Variants in DENND4A observed in about 807,000 individuals in gnomAD.
DENND4A encodes the protein DENN domain containing 4A.
DENND4A carries 70 observed loss-of-function variants against 199.3 expected under a neutral mutation model. The observed-to-expected ratio is 0.35, with a 90% CI of 0.29 to 0.43. The LOEUF (loss-of-function observed/expected upper bound fraction) is 0.43, where lower values mean the gene tolerates loss of function less well. DENND4A is among the 20% of genes least tolerant of loss of function. The pLI is 1.00. For synonymous variants in DENND4A, 686 were observed against 766.9 expected, an observed-to-expected ratio of 0.89 and a Z score of 1.74; for missense variants, 1,723 against 2,255.8, an observed-to-expected ratio of 0.76 and a Z score of 4.78.
chr15:65,741,255 TA>T (rs971452990), intron 5 of DENND4A, among the ~76,000 whole-genome samples: 1 of 152,164 alleles, frequency 6.6e-6, no homozygotes, highest in Non-Finnish European at 1.5e-5. Context: ...TGTTCTCTTG[TA>T]AATAAGGTCA....
At position 65,741,727 on chromosome 15, in the gene DENND4A, A is replaced by G; in HGVS notation, c.619T>C (p.Ser207Pro). ...AAATTACACTTACCAGCTTTGTAAG[A>G]TACAGTGTTCGTCTTTGCCACCGAT... ...KKSVAKTNTVSYKAGLICRYP... is the reference protein window; with the variant it reads ...KKSVAKTNTVPYKAGLICRYP... Residue 207 changes from serine to proline, a missense_variant, in exon 5 of 33, where the codon TCT (serine) becomes CCT (proline). By Grantham distance (74) the Ser-to-Pro change is moderately conservative (BLOSUM62 -1). Around this residue, in one of 6 missense-constraint regions of DENND4A, gnomAD observed 725 missense variants for 952.9 expected, o/e 0.76. Coordinates refer to ENST00000443035, the MANE Select transcript of DENND4A (RefSeq NM_001320835.1). 6.2e-7 allele frequency: 1 copy of G among 1,612,846 alleles called. No individual in the cohort carries two copies. Among genetic ancestry groups the G allele is most frequent in the Non-Finnish European group, 8.5e-7 (1 of 1,179,306 alleles).
At chr15:65,713,702 G>C (rs1001136962) in intron 14 of DENND4A, among the ~76,000 whole-genome samples, 3 of 152,154 alleles carry the variant, frequency 2.0e-5, no homozygotes, top group Non-Finnish European at 4.4e-5. Context: ...ATTGACTTCT[G>C]TGTGTGTATT....
At chr15:65,786,007 G>C (rs1044815283) in intron 1 of DENND4A, among the ~76,000 whole-genome samples, 2 of 152,078 alleles carry the variant, frequency 1.3e-5, no homozygotes, top group African/African-American at 4.8e-5. Flanking sequence ...TGAAAAAACA[G>C]AAATTGTTTG....
chr15:65,725,771 T>G (rs999743608), intron 11 of DENND4A, among the ~76,000 whole-genome samples: 1 of 152,184 alleles, frequency 6.6e-6, no homozygotes, highest in African/African-American at 2.4e-5. Flanking sequence ...AGCTTTACAC[T>G]TGGTACATAC....
chr15:65,714,000 T>C (rs1384470040), intron 14 of DENND4A, among the ~76,000 whole-genome samples: 2 of 152,228 alleles, frequency 1.3e-5, no homozygotes, highest in Non-Finnish European at 2.9e-5. Context: ...TTTATTTCTG[T>C]ATCTATCATT....
intron 14 of DENND4A, among the ~76,000 whole-genome samples, chr15:65,714,482 C>T (rs1158848915): frequency 1.3e-5 from 2 of 152,052 alleles, no homozygotes; most frequent in African/African-American, 4.8e-5. Flanking sequence ...CAATCTCCCC[C>T]ATATGTAACA....
intron 4 of DENND4A, among the ~76,000 whole-genome samples, chr15:65,750,697 C>A (rs996347312): frequency 1.1e-4 from 16 of 151,916 alleles, no homozygotes; most frequent in African/African-American, 3.9e-4. Flanking sequence ...TTGTATACTC[C>A]TCGCCCTCCA....
chr15:65,736,655 T>G (rs963751804), intron 7 of DENND4A, among the ~76,000 whole-genome samples: 5 of 152,114 alleles, frequency 3.3e-5, no homozygotes, highest in African/African-American at 1.2e-4. Context: ...TTGTCAAGCT[T>G]GGTGCAGTGT....
At chr15:65,722,334 T>C (rs2075672654) in intron 12 of DENND4A, among the ~76,000 whole-genome samples, 1 of 152,036 alleles carries the variant, frequency 6.6e-6, no homozygotes, top group Admixed American at 6.6e-5. Context: ...GCGTAGTGCC[T>C]CATTGTGTCT....
chr15:65,710,481 G>A (rs2075213517), intron 14 of DENND4A, among the ~76,000 whole-genome samples: 1 of 152,158 alleles, frequency 6.6e-6, no homozygotes, highest in South Asian at 2.1e-4. Flanking sequence ...CTGTTCGTAA[G>A]GGAAGCTCAG....
At chr15:65,773,768 G>A (rs1157777323) in intron 1 of DENND4A, among the ~76,000 whole-genome samples, 2 of 152,116 alleles carry the variant, frequency 1.3e-5, no homozygotes, top group South Asian at 2.1e-4. Context: ...CACTGCTGCC[G>A]CCTCCACAAA....
chr15:65,709,776 CT>C (rs2075189724), intron 14 of DENND4A, among the ~76,000 whole-genome samples: 1 of 137,228 alleles, frequency 7.3e-6, no homozygotes, highest in Non-Finnish European at 1.5e-5. Context: ...TAATAAGTCT[CT>C]TGAATTATAA....
intron 22 of DENND4A, among the ~76,000 whole-genome samples, chr15:65,695,350 T>C (rs2077109200): frequency 6.6e-6 from 1 of 152,242 alleles, no homozygotes; most frequent in African/African-American, 2.4e-5. Flanking sequence ...CCCAGAACTT[T>C]ATGAAAACTG....
chr15:65,746,388 T>C (rs1364780529), intron 4 of DENND4A, among the ~76,000 whole-genome samples: 6 of 124,470 alleles, frequency 4.8e-5, no homozygotes, highest in African/African-American at 1.8e-4. Context: ...TTTTTTTTTT[T>C]TTTTTTTTTT....
rs747405376 is a variant in DENND4A at position 65,737,781 on chromosome 15, A to G, written c.966T>C (p.Phe322=). ...AAGTCAGAAACTTCCTGAATGCATC[A>G]AAAAAAGGCCAGTGAGAAAGAAGAC... The part of the protein sequence containing the change: ...CICLLSHWPF[F]DAFRKFLTFL... The change falls in exon 7 of 33, where the codon TTT becomes TTC. Residue 322 remains phenylalanine, a synonymous_variant. Transcript: ENST00000443035. 3 of 1,593,272 alleles carry G rather than the reference A, an allele frequency of 1.9e-6. No homozygotes were observed. Among genetic ancestry groups the G allele is most frequent in the South Asian group, 1.1e-5 (1 of 87,512 alleles).
intron 22 of DENND4A, among the ~76,000 whole-genome samples, chr15:65,693,599 G>C (rs1194335737): frequency 6.6e-6 from 1 of 151,152 alleles, no homozygotes; most frequent in Non-Finnish European, 1.5e-5. Context: ...CCTTCTGCTT[G>C]GAATGCACCC....
At chr15:65,748,091 ACTT>A in intron 4 of DENND4A, among the ~76,000 whole-genome samples, 1 of 148,456 alleles carries the variant, frequency 6.7e-6, no homozygotes. Context: ...GCTTCCCTAC[ACTT>A]CAGAAAAAGG....
At chr15:65,671,552 G>A (rs1012238818) in intron 25 of DENND4A, among the ~76,000 whole-genome samples, 2 of 152,114 alleles carry the variant, frequency 1.3e-5, no homozygotes, top group Non-Finnish European at 2.9e-5. Flanking sequence ...ACCATGCCTG[G>A]GTAATTTTTG....
chr15:65,754,696 C>A (rs779198169), intron 3 of DENND4A, among the ~76,000 whole-genome samples: 12 of 152,274 alleles, frequency 7.9e-5, no homozygotes, highest in South Asian at 4.1e-4. Context: ...CAAGTGAATG[C>A]AAATCAAGAC....
Sources: allele counts gnomAD v4.1 joint callset (sites outside exome capture counted in the v4.1 genomes callset), GRCh38; gene constraint gnomAD v4.1.1; regional missense constraint gnomAD v4.1.1; transcripts MANE v1.5; gene names NCBI Gene and HGNC (gene_info 2026-07-23, HGNC 2026-07-21).